FOXP2: variants seen among roughly 807,000 people sequenced by gnomAD.
The protein encoded by FOXP2 is forkhead box P2.
Under a neutral mutation model 115.8 loss-of-function variants are expected in FOXP2, and 12 were observed. The ratio of observed to expected loss-of-function variants is 0.10; its 90% CI spans 0.07 to 0.17. The LOEUF is 0.17. FOXP2 is among the 10% of genes least tolerant of loss of function. The probability of loss-of-function intolerance (pLI) is 1.00; values close to 1 mark genes in which losing one functional copy is unlikely to be tolerated. For missense variants in FOXP2, 629 were observed against 843.5 expected (o/e 0.75, Z 3.15); for synonymous variants, 328 against 297.7 (o/e 1.10, Z -1.05).
intron 3 of FOXP2, among the ~76,000 whole-genome samples, chr7:114,615,267 T>G (rs1306910132): frequency 3.3e-5 from 5 of 152,094 alleles, no homozygotes; most frequent in Non-Finnish European, 7.4e-5. Context: ...CACATACCCT[T>G]CCAGTTAAGC....
chr7:114,463,615 G>T (rs369719325), intron 2 of FOXP2, among the ~76,000 whole-genome samples: 6 of 152,196 alleles, frequency 3.9e-5, no homozygotes, highest in Non-Finnish European at 8.8e-5. Flanking sequence ...ATCATTTTAT[G>T]GGAAATTTTA....
At chr7:114,602,192 T>C (rs1334615209) in intron 3 of FOXP2, among the ~76,000 whole-genome samples, 1 of 152,222 alleles carries the variant, frequency 6.6e-6, no homozygotes, top group Admixed American at 6.5e-5. Context: ...TTTAGAATTG[T>C]TATATTTGTC....
At chr7:114,286,172 C>T (rs1316017916) in intron 1 of FOXP2, among the ~76,000 whole-genome samples, 1 of 151,718 alleles carries the variant, frequency 6.6e-6, no homozygotes, top group Non-Finnish European at 1.5e-5. Context: ...TTTTCTTTTA[C>T]TTTGTGATGT....
chr7:114,570,841 G>C, intron 3 of FOXP2: 1 of 1,611,896 alleles, frequency 6.2e-7, no homozygotes, highest in Non-Finnish European at 8.5e-7. Context: ...TGTATCTGTG[G>C]CCACTCTTCT....
intron 2 of FOXP2, among the ~76,000 whole-genome samples, chr7:114,397,093 G>A (rs887255008): frequency 6.6e-6 from 1 of 152,124 alleles, no homozygotes; most frequent in Admixed American, 6.5e-5. Flanking sequence ...ATATTGGAAA[G>A]AAGATAAAAT....
intron 1 of FOXP2, among the ~76,000 whole-genome samples, chr7:114,214,700 C>G (rs1394583106): frequency 1.3e-5 from 2 of 152,124 alleles, no homozygotes; most frequent in Non-Finnish European, 2.9e-5. Flanking sequence ...CTGCCTTCCC[C>G]CCTTACTCCT....
At position 114,691,102 on chromosome 7, in the gene FOXP2, A is replaced by T. The variant is rs531237244; in HGVS notation, c.*1176A>T. 1.8e-5 allele frequency: 8 copies of T among 454,082 alleles called. No homozygotes were observed. The highest frequency in any genetic ancestry group is 1.6e-4 in the African/African-American group (8 of 50,124). The allele number at this position is 454,082 out of a possible 1,614,324, so 28.1% of individuals were successfully genotyped here. On this transcript the variant is annotated 3_prime_UTR_variant, in exon 17 of 17. Transcript: ENST00000350908. ...GGATCACTGACCAAAACGATTATGT[A>T]CTTGATGCAAATGCAGATTGCATAT...
At chr7:114,399,098 C>CTTTCTT (rs1263117929) in intron 2 of FOXP2, among the ~76,000 whole-genome samples, 1 of 141,876 alleles carries the variant, frequency 7.0e-6, no homozygotes, top group African/African-American at 2.5e-5. Context: ...TATCTTCTGA[C>CTTTCTT]TTTCTTTTTC....
chr7:114,479,081 T>C (rs1424169117), intron 2 of FOXP2, among the ~76,000 whole-genome samples: 1 of 151,884 alleles, frequency 6.6e-6, no homozygotes, highest in Admixed American at 6.6e-5. Context: ...CATCATTTTT[T>C]TTCTGCGTAA....
chr7:114,186,011 G>A (rs1383947560), intron 1 of FOXP2, among the ~76,000 whole-genome samples: 1 of 151,868 alleles, frequency 6.6e-6, no homozygotes, highest in Non-Finnish European at 1.5e-5. Context: ...AAGGAGGGCT[G>A]GACTTACCCT....
chr7:114,672,458 G>A (rs1288056911), intron 16 of FOXP2, among the ~76,000 whole-genome samples: 1 of 152,042 alleles, frequency 6.6e-6, no homozygotes, highest in Non-Finnish European at 1.5e-5. Flanking sequence ...GGTGGTGGGG[G>A]CCTGTAATCC....
At chr7:114,399,237 A>G (rs1792818033) in intron 2 of FOXP2, among the ~76,000 whole-genome samples, 1 of 151,386 alleles carries the variant, frequency 6.6e-6, no homozygotes, top group African/African-American at 2.4e-5. Flanking sequence ...CCTCCCGAGT[A>G]GCTGTGATTA....
chr7:114,394,016 G>A (rs796583705), intron 2 of FOXP2, among the ~76,000 whole-genome samples: 75 of 151,570 alleles, frequency 4.9e-4, no homozygotes, highest in African/African-American at 1.8e-3. Context: ...GAGAGAGAGA[G>A]AGAGAGAGAG....
chr7:114,573,582 C>T (rs954201826), intron 3 of FOXP2, among the ~76,000 whole-genome samples: 1 of 151,480 alleles, frequency 6.6e-6, no homozygotes, highest in Non-Finnish European at 1.5e-5. Context: ...GTTAAGAGAC[C>T]CTACATAATG....
intron 6 of FOXP2, among the ~76,000 whole-genome samples, chr7:114,637,153 G>C (rs1036855158): frequency 6.6e-6 from 1 of 152,118 alleles, no homozygotes; most frequent in East Asian, 1.9e-4. Flanking sequence ...GCACTCCAGC[G>C]AGACCATGTC....
At chr7:114,443,488 G>C (rs1294368286) in intron 2 of FOXP2, among the ~76,000 whole-genome samples, 1 of 152,128 alleles carries the variant, frequency 6.6e-6, no homozygotes, top group South Asian at 2.1e-4. Flanking sequence ...TAAATTGTGT[G>C]TCACGGCGTT....
rs116682652 is a variant in FOXP2 at position 114,630,771 on chromosome 7, G to A, written c.598-757G>A. Among the ~76,000 whole-genome samples the A allele has an allele frequency of 6.2e-3, 942 of 152,164 alleles. 8 individuals are homozygous for A. The highest frequency in any genetic ancestry group is 0.021 in the African/African-American group (872 of 41,494). ...GCTCCCTTATTTCTCCCGAGGCTTT[G>A]GGCAATCCACATGACTTGCTCCATT... On this transcript the variant is annotated intron_variant, in intron 5 of 16. Transcript: ENST00000350908.
chr7:114,213,563 A>G lies in FOXP2; in HGVS notation c.-102+50475A>G, dbSNP rs113064763. On this transcript the variant is annotated intron_variant, in intron 1 of 17. Transcript: ENST00000634411. ...TCCCATGGGCTAAATTTTATCTCAC[A>G]GCTTCATATCTTATATATCTTTAAA... Among the ~76,000 whole-genome samples the G allele has an allele frequency of 5.3e-4, 81 of 152,300 alleles. 2 individuals are homozygous for G. The highest frequency in any genetic ancestry group is 1.9e-3 in the African/African-American group (78 of 41,570).
chr7:114,550,112 C>CTTTTTTTTTTTTT (rs941573098), intron 3 of FOXP2, among the ~76,000 whole-genome samples: 8 of 103,298 alleles, frequency 7.7e-5, no homozygotes, highest in African/African-American at 1.9e-4. Flanking sequence ...CCTTTCTTTT[C>CTTTTTTTTTTTTT]TTTTTTTTTT....
Sources: allele counts gnomAD v4.1 joint callset (sites outside exome capture counted in the v4.1 genomes callset), GRCh38; gene constraint gnomAD v4.1.1; transcripts MANE v1.5; gene names NCBI Gene and HGNC (gene_info 2026-07-23, HGNC 2026-07-21).